The following TAFA2 variants were observed in gnomAD, a reference collection of about 807,000 sequenced individuals.
TAFA2 encodes the protein TAFA chemokine like family member 2.
A neutral mutation model predicts 18.8 loss-of-function variants in TAFA2; 7 were observed. That is an observed-to-expected ratio of 0.37 (90% CI 0.21 to 0.70). The LOEUF (loss-of-function observed/expected upper bound fraction) is 0.70. Among genes scored for constraint, TAFA2 ranks in the 30% least tolerant of loss-of-function variants. The probability of loss-of-function intolerance (pLI) is 0.53; values close to 1 mark genes in which losing one functional copy is unlikely to be tolerated. For missense variants in TAFA2, 122 were observed against 158.1 expected, an observed-to-expected ratio of 0.77 and a Z score of 1.23; for synonymous variants, 60 against 54.2, an observed-to-expected ratio of 1.11 and a Z score of -0.47.
chr12:61,720,889 T>TCC (rs748857125), intron 4 of TAFA2: 64 of 517,098 alleles, frequency 1.2e-4, no homozygotes, highest in Non-Finnish European at 2.0e-4. Context: ...CTCTTTCTAC[T>TCC]TCTCCATTCG....
intron 2 of TAFA2, among the ~76,000 whole-genome samples, chr12:61,826,531 C>G (rs1170145022): frequency 6.6e-6 from 1 of 151,958 alleles, no homozygotes; most frequent in Non-Finnish European, 1.5e-5. Context: ...GAATCTATGT[C>G]ATTCAAAAAT....
At chr12:62,246,885 T>C (rs2062888881) in intron 1 of TAFA2, among the ~76,000 whole-genome samples, 1 of 152,164 alleles carries the variant, frequency 6.6e-6, no homozygotes, top group Non-Finnish European at 1.5e-5. Context: ...AACATTTCTG[T>C]CTTTAAGATG....
chr12:62,039,625 C>T (rs1207074377), intron 1 of TAFA2, among the ~76,000 whole-genome samples: 1 of 152,150 alleles, frequency 6.6e-6, no homozygotes, highest in African/African-American at 2.4e-5. Flanking sequence ...AATATCAATG[C>T]TGCCTTTGTC....
At chr12:62,177,387 G>A (rs773185676) in intron 1 of TAFA2, among the ~76,000 whole-genome samples, 2 of 152,214 alleles carry the variant, frequency 1.3e-5, no homozygotes, top group Non-Finnish European at 2.9e-5. Context: ...AAAAACTCAG[G>A]AAGACAACAA....
intron 2 of TAFA2, among the ~76,000 whole-genome samples, chr12:61,843,540 T>C (rs1399073876): frequency 1.3e-5 from 2 of 151,974 alleles, no homozygotes; most frequent in East Asian, 1.9e-4. Context: ...TGATGATTAA[T>C]TGAAAGAGTT....
chr12:62,035,933 G>A (rs998721093), intron 1 of TAFA2, among the ~76,000 whole-genome samples: 1 of 151,240 alleles, frequency 6.6e-6, no homozygotes, highest in Admixed American at 6.6e-5. Context: ...GTAGAGACGG[G>A]GTTTCACCGT....
At chr12:62,175,514 C>T (rs1365704218) in intron 1 of TAFA2, among the ~76,000 whole-genome samples, 1 of 152,080 alleles carries the variant, frequency 6.6e-6, no homozygotes, top group East Asian at 1.9e-4. Context: ...TCAAACTTCA[C>T]ATTTCTCTTT....
At position 61,896,539 on chromosome 12, in the gene TAFA2, G is replaced by A. The variant is rs1395250014; in HGVS notation, c.-1-29113C>T. 2.0e-5 allele frequency among the ~76,000 whole-genome samples: 3 copies of A among 152,160 alleles called. No homozygotes were observed. In the East Asian group the frequency reaches 5.8e-4, roughly 29 times the overall value. ...TACTAGGCCACTTCAAGTGCTTGAA[G>A]CTCTTCCCTTGCCATTCTCTGTGCT... On this transcript the variant is annotated intron_variant, in intron 1 of 4. Transcript: ENST00000416284.
At chr12:62,124,617 C>T (rs1394310785) in intron 1 of TAFA2, among the ~76,000 whole-genome samples, 1 of 151,688 alleles carries the variant, frequency 6.6e-6, no homozygotes, top group Non-Finnish European at 1.5e-5. Flanking sequence ...ACCATCAGAC[C>T]AGAAAAAAAG....
At chr12:62,042,900 C>T (rs570544126) in intron 1 of TAFA2, among the ~76,000 whole-genome samples, 2 of 152,206 alleles carry the variant, frequency 1.3e-5, no homozygotes, top group East Asian at 3.9e-4. Flanking sequence ...ACCGTCAGCA[C>T]CCTGCCTTTC....
At position 61,934,019 on chromosome 12, in the gene TAFA2, T is replaced by C. The variant is rs1320792039; in HGVS notation, c.-1-66593A>G. Among the ~76,000 whole-genome samples the C allele has an allele frequency of 2.0e-5, 3 of 152,346 alleles. No homozygotes were observed. The East Asian group carries it at 5.8e-4, about 29-fold the overall frequency. ...TTTTATTTCAGAAAGGTTAAGTGAC[T>C]TCCCCAAAGTCACACAGCCAGAAAC... is the stretch of plus-strand genomic sequence containing the variant. On this transcript the variant is annotated intron_variant, in intron 1 of 4. Transcript: ENST00000416284.
At chr12:61,980,927 T>C (rs532608409) in intron 1 of TAFA2, among the ~76,000 whole-genome samples, 8 of 152,264 alleles carry the variant, frequency 5.3e-5, no homozygotes, top group African/African-American at 1.9e-4. Flanking sequence ...AAGCTACCAA[T>C]GACTTTCTTC....
At chr12:61,976,512 G>A (rs1341813322) in intron 1 of TAFA2, among the ~76,000 whole-genome samples, 1 of 151,720 alleles carries the variant, frequency 6.6e-6, no homozygotes, top group African/African-American at 2.4e-5. Flanking sequence ...AATCCAATCA[G>A]CAATGTTTAT....
intron 1 of TAFA2, among the ~76,000 whole-genome samples, chr12:61,975,510 T>C (rs1245842677): frequency 1.4e-5 from 2 of 142,604 alleles, no homozygotes; most frequent in African/African-American, 2.6e-5. Context: ...GGCTCAATAA[T>C]ATTCGTGTGT....
chr12:61,772,268 G>C (rs1336556548), intron 2 of TAFA2, among the ~76,000 whole-genome samples: 1 of 151,916 alleles, frequency 6.6e-6, no homozygotes, highest in Non-Finnish European at 1.5e-5. Context: ...TCCAGGATCA[G>C]ATAAATTCAC....
chr12:62,125,847 T>C (rs1870434630), intron 1 of TAFA2, among the ~76,000 whole-genome samples: 1 of 152,142 alleles, frequency 6.6e-6, no homozygotes, highest in Non-Finnish European at 1.5e-5. Context: ...TCTGAGTCTC[T>C]GTTACCACTA....
intron 1 of TAFA2, among the ~76,000 whole-genome samples, chr12:62,157,408 A>G (rs879502037): frequency 1.3e-5 from 2 of 152,214 alleles, no homozygotes; most frequent in Non-Finnish European, 2.9e-5. Flanking sequence ...CAAAGCACAC[A>G]TGAACATTAA....
At chr12:62,147,587 A>G (rs1229219813) in intron 1 of TAFA2, among the ~76,000 whole-genome samples, 16 of 150,362 alleles carry the variant, frequency 1.1e-4, no homozygotes, top group Admixed American at 2.6e-4. Context: ...AAAATTAGCC[A>G]GGCACGGTGG....
chr12:61,878,920 T>C (rs575336927), intron 1 of TAFA2, among the ~76,000 whole-genome samples: 1 of 152,290 alleles, frequency 6.6e-6, no homozygotes, highest in East Asian at 1.9e-4. Flanking sequence ...GGCTGGCAGA[T>C]GGAATCACCC....
Sources: allele counts gnomAD v4.1 joint callset (sites outside exome capture counted in the v4.1 genomes callset), GRCh38; gene constraint gnomAD v4.1.1; transcripts MANE v1.5; gene names NCBI Gene and HGNC (gene_info 2026-07-23, HGNC 2026-07-21).